The following FBXL2 variants were observed in gnomAD, a reference collection of about 807,000 sequenced individuals.
The protein encoded by FBXL2 is F-box/LRR-repeat protein 2.
Under a neutral mutation model 69.2 loss-of-function variants are expected in FBXL2, and 38 were observed. The ratio of observed to expected loss-of-function variants is 0.55; its 90% CI spans 0.42 to 0.72. FBXL2 has a LOEUF of 0.72. Among genes scored for constraint, FBXL2 ranks in the 30% least tolerant of loss-of-function variants. The pLI is 0.00. For missense variants in FBXL2, 354 were observed against 520.3 expected, an observed-to-expected ratio of 0.68 and a Z score of 3.11; for synonymous variants, 192 against 201.3, an observed-to-expected ratio of 0.95 and a Z score of 0.39.
intron 2 of FBXL2, chr3:33,298,019 G>A (rs952207589): frequency 1.8e-5 from 7 of 383,280 alleles, no homozygotes; most frequent in African/African-American, 8.4e-5. Flanking sequence ...GTAGATAATC[G>A]TGATGAAGTC....
chr3:33,277,433 C>T, upstream of FBXL2: 5 of 1,247,090 alleles, frequency 4.0e-6, no homozygotes, highest in Non-Finnish European at 2.0e-6. Flanking sequence ...GGCGGGGCGC[C>T]TGGCTGGCGT....
At chr3:33,403,199 T>A (rs1194820422) in intron 12 of FBXL2, 2 of 300,714 alleles carry the variant, frequency 6.7e-6, no homozygotes, top group African/African-American at 4.6e-5. Context: ...TTGAAGAGCT[T>A]TCTCCTCCCT....
In FBXL2 at chr3:33,385,981, G is replaced by T. The variant is rs370111503; in HGVS notation, c.*373G>T. 3.1e-5 allele frequency: 6 copies of T among 192,512 alleles called. No individual in the cohort carries two copies. Among genetic ancestry groups the T allele is most frequent in the Non-Finnish European group, 6.5e-5 (6 of 92,008 alleles). The allele number at this position is 192,512 out of a possible 1,614,324, so 11.9% of individuals were successfully genotyped here. ...AGCACAAACTGAGCAGAAAAAATAA[G>T]CTGTTGATTTTCTACCTGATACTTA... On this transcript the variant is annotated 3_prime_UTR_variant, in exon 15 of 15. Coordinates refer to ENST00000484457, the MANE Select transcript of FBXL2 (RefSeq NM_012157.5).
chr3:33,394,177 A>G, intron 12 of FBXL2, among the ~76,000 whole-genome samples: 1 of 145,096 alleles, frequency 6.9e-6, no homozygotes, highest in Non-Finnish European at 1.5e-5. Context: ...ACACGCCACC[A>G]TGCCTGGCTA....
intron 1 of FBXL2, among the ~76,000 whole-genome samples, chr3:33,282,406 A>G (rs1320662509): frequency 2.0e-5 from 3 of 152,058 alleles, no homozygotes; most frequent in African/African-American, 7.2e-5. Flanking sequence ...ATTGGTGTAT[A>G]TATCTGTTTT....
the FBXL2 span, among the ~76,000 whole-genome samples, chr3:33,413,472 G>A: frequency 3.0e-4 from 46 of 151,334 alleles, 1 homozygote; most frequent in South Asian, 8.2e-3. Flanking sequence ...GTGTGAACCC[G>A]GGAGGCAGAG....
At chr3:33,311,527 G>T (rs887732215) in intron 2 of FBXL2, among the ~76,000 whole-genome samples, 1 of 151,870 alleles carries the variant, frequency 6.6e-6, no homozygotes, top group African/African-American at 2.4e-5. Flanking sequence ...CCTGTCTTTG[G>T]GCTCACTGAT....
chr3:33,377,806 G>A (rs1373344781), intron 11 of FBXL2, among the ~76,000 whole-genome samples: 1 of 152,180 alleles, frequency 6.6e-6, no homozygotes, highest in Non-Finnish European at 1.5e-5. Flanking sequence ...TCTAGGCTAT[G>A]GCTAAAATTT....
chr3:33,418,728 G>T, the FBXL2 span, among the ~76,000 whole-genome samples: 1 of 151,734 alleles, frequency 6.6e-6, no homozygotes, highest in East Asian at 2.0e-4. Flanking sequence ...GCGTGGTGGT[G>T]CATGCCTGTA....
intron 2 of FBXL2, among the ~76,000 whole-genome samples, chr3:33,302,411 G>GA (rs574988049): frequency 4.7e-5 from 7 of 150,450 alleles, no homozygotes; most frequent in South Asian, 4.2e-4. Flanking sequence ...CCCTTTTTGA[G>GA]AAAAAAAAAT....
At chr3:33,314,102 T>C (rs1329912380) in intron 2 of FBXL2, among the ~76,000 whole-genome samples, 1 of 151,382 alleles carries the variant, frequency 6.6e-6, no homozygotes, top group Non-Finnish European at 1.5e-5. Flanking sequence ...TCCTCTTTAA[T>C]TTTTTTTTGC....
intron 13 of FBXL2, among the ~76,000 whole-genome samples, chr3:33,381,283 T>C (rs17030489): frequency 0.35 from 53,924 of 152,118 alleles, 10,323 homozygotes; most frequent in East Asian, 0.57. Flanking sequence ...TCATACACCA[T>C]CTCCATCATC....
Position 33,378,145 on chromosome 3 carries a change from C to G in FBXL2, c.892C>G (p.Leu298Val). ...GAAGATGGATCTTGAAGAATGCATC[C>G]TGGTGAGTGGACTCCTGACAGCCCT... ...LEKMDLEECI[L>V]ITDSTLIQLS... Residue 298 changes from leucine (L) to valine (V), a missense_variant and splice_region_variant, in exon 12 of 15, where the codon CTG (leucine) becomes GTG (valine). By Grantham distance (32) the Leu-to-Val change is conservative (BLOSUM62 1). Transcript: ENST00000484457. The G allele has an allele frequency of 6.2e-7, 1 of 1,614,122 alleles. No homozygotes were observed. The highest frequency in any genetic ancestry group is 1.1e-5 in the South Asian group (1 of 91,082).
intron 12 of FBXL2, chr3:33,400,257 TG>T: frequency 6.2e-7 from 1 of 1,601,176 alleles, no homozygotes; most frequent in Admixed American, 1.8e-5. Context: ...CTGTGTTTCC[TG>T]GATCGTAGCT....
intron 9 of FBXL2, among the ~76,000 whole-genome samples, 163 bp downstream of exon 9, chr3:33,374,084 T>C (rs2042476329): frequency 6.6e-6 from 1 of 152,124 alleles, no homozygotes; most frequent in South Asian, 2.1e-4. Context: ...TGTCACAAGC[T>C]GGAACAACAA....
chr3:33,282,838 GCTCT>G (rs1427900160), intron 1 of FBXL2, among the ~76,000 whole-genome samples: 1 of 152,024 alleles, frequency 6.6e-6, no homozygotes. Context: ...TCATGATTTG[GCTCT>G]CTGTTTGTCT....
intron 2 of FBXL2, among the ~76,000 whole-genome samples, chr3:33,330,079 T>C (rs1325050568): frequency 6.6e-6 from 1 of 152,064 alleles, no homozygotes; most frequent in Non-Finnish European, 1.5e-5. Flanking sequence ...GCACAGGAGT[T>C]TGAGACCAGG....
In FBXL2 at chr3:33,277,495, G is replaced by T; in HGVS notation, c.-18G>T. 7.7e-7 allele frequency: 1 copy of T among 1,296,412 alleles called. No individual in the cohort carries two copies. The highest frequency in any genetic ancestry group is 9.9e-7 in the Non-Finnish European group (1 of 1,013,848). 80.3% of individuals were successfully genotyped at this position (1,296,412 alleles called of 1,614,324 possible). ...CCGTGTGACTTCGGGCTGTGGGCTC[G>T]CTCGCGGCTCTTCGGCCATGGTGAG... is the stretch of plus-strand genomic sequence containing the variant. On this transcript the variant is annotated 5_prime_UTR_variant, in exon 1 of 15. Coordinates refer to ENST00000484457, the MANE Select transcript of FBXL2 (RefSeq NM_012157.5).
chr3:33,405,414 AATC>A (rs1375516167), downstream of FBXL2, among the ~76,000 whole-genome samples: 1 of 152,194 alleles, frequency 6.6e-6, no homozygotes, highest in East Asian at 1.9e-4. Context: ...TGTAAACGCA[AATC>A]ACCACCACGC....
Sources: allele counts gnomAD v4.1 joint callset (sites outside exome capture counted in the v4.1 genomes callset), GRCh38; gene constraint gnomAD v4.1.1; transcripts MANE v1.5; gene names NCBI Gene and HGNC (gene_info 2026-07-23, HGNC 2026-07-21).